The following DNM3 variants were observed in gnomAD, a reference collection of about 807,000 sequenced individuals.
DNM3 encodes dynamin 3.
A neutral mutation model predicts 101.6 loss-of-function variants in DNM3; 47 were observed. That is an observed-to-expected ratio of 0.46 (90% CI 0.37 to 0.59). The LOEUF (loss-of-function observed/expected upper bound fraction) is 0.59. Ranked by LOEUF, DNM3 falls within the 20% of genes least tolerant of loss-of-function variation. The pLI, the probability that DNM3 is intolerant of heterozygous loss-of-function variation, is 0.00. For missense variants in DNM3, 849 were observed against 1,085.7 expected, an observed-to-expected ratio of 0.78 and a Z score of 3.06; for synonymous variants, 385 against 387.9, an observed-to-expected ratio of 0.99 and a Z score of 0.09.
chr1:171,852,489 T>C (rs1005684577), intron 1 of DNM3, among the ~76,000 whole-genome samples: 1 of 152,220 alleles, frequency 6.6e-6, no homozygotes, highest in Non-Finnish European at 1.5e-5. Flanking sequence ...TCAAAGAGCT[T>C]GGTGATCCAG....
intron 10 of DNM3, among the ~76,000 whole-genome samples, chr1:172,060,054 C>T (rs553471292): frequency 1.4e-4 from 21 of 152,138 alleles, no homozygotes; most frequent in African/African-American, 4.8e-4. Context: ...TACCAACAAT[C>T]GACAAACAGA....
chr1:172,315,967 A>C (rs1311747083), intron 16 of DNM3, among the ~76,000 whole-genome samples: 2 of 152,186 alleles, frequency 1.3e-5, no homozygotes, highest in African/African-American at 4.8e-5. Flanking sequence ...TGAAGGAAAA[A>C]GTGTTAAGGG....
At chr1:172,178,916 T>C (rs1229415034) in intron 14 of DNM3, among the ~76,000 whole-genome samples, 1 of 151,968 alleles carries the variant, frequency 6.6e-6, no homozygotes, top group Admixed American at 6.6e-5. Flanking sequence ...TCTATCGCTT[T>C]ATGTCTCAGT....
chr1:172,219,394 A>G (rs978065702), intron 14 of DNM3, among the ~76,000 whole-genome samples: 13 of 151,114 alleles, frequency 8.6e-5, no homozygotes, highest in Admixed American at 3.3e-4. Context: ...AAAAAAAAAA[A>G]AAAAAAAAGA....
intron 1 of DNM3, among the ~76,000 whole-genome samples, chr1:171,867,734 C>T (rs1188329621): frequency 3.3e-5 from 5 of 152,180 alleles, no homozygotes; most frequent in African/African-American, 1.2e-4. Flanking sequence ...TGTCAAAGAA[C>T]ATCCCCATCA....
chr1:172,244,025 C>T (rs1329076463), intron 14 of DNM3, among the ~76,000 whole-genome samples: 3 of 152,112 alleles, frequency 2.0e-5, no homozygotes, highest in African/African-American at 7.2e-5. Context: ...CTCCCCTCAC[C>T]CCACAACAGT....
At chr1:172,207,448 A>G (rs685039) in intron 14 of DNM3, among the ~76,000 whole-genome samples, 4,858 of 152,046 alleles carry the variant, frequency 0.032, 268 homozygotes, top group African/African-American at 0.11. Context: ...ATATTTTTTA[A>G]AGTTTTATTT....
chr1:172,387,155 A>G lies in DNM3; in HGVS notation c.2081A>G (p.Glu694Gly), dbSNP rs1270810327. The G allele has an allele frequency of 6.2e-7, 1 of 1,613,844 alleles. No individual in the cohort carries two copies. Among genetic ancestry groups the G allele is most frequent in the Admixed American group, 1.7e-5 (1 of 60,020 alleles). ...CAGGTTAAAGATTTCATAAATTCCG[A>G]GCTCCTAGCACAGTTGTATTCTTCA... ...INNVKDFINS[E>G]LLAQLYSSED... The change falls in exon 19 of 21, where the codon GAG (glutamate) becomes GGG (glycine). Residue 694 changes from glutamate (E) to glycine (G), a missense_variant. Coordinates refer to ENST00000627582, the MANE Select transcript of DNM3 (RefSeq NM_015569.5).
chr1:172,395,733 G>C (rs959618351), intron 20 of DNM3, among the ~76,000 whole-genome samples: 1 of 152,146 alleles, frequency 6.6e-6, no homozygotes, highest in African/African-American at 2.4e-5. Context: ...CCAATGTATT[G>C]TAAGTGTTGT....
chr1:172,247,078 C>T (rs1274393252), intron 14 of DNM3, among the ~76,000 whole-genome samples: 1 of 152,054 alleles, frequency 6.6e-6, no homozygotes, highest in Non-Finnish European at 1.5e-5. Flanking sequence ...TTAACTTGGA[C>T]ATATCTATGC....
Position 172,114,489 on chromosome 1 carries a change from C to T in DNM3, c.1546-16686C>T, listed in dbSNP as rs2055745856. 2.0e-5 allele frequency among the ~76,000 whole-genome samples: 3 copies of T among 152,160 alleles called. No individual in the cohort carries two copies. The South Asian group carries it at 6.2e-4, about 32-fold the overall frequency. ...TACAGAATCTCTAAGACTCTATATA[C>T]TTATGTACCTGCCCTACCCAGCAAT... On this transcript the variant is annotated intron_variant, in intron 13 of 20. Transcript: ENST00000627582.
chr1:172,078,145 T>C (rs2052822675), intron 11 of DNM3, among the ~76,000 whole-genome samples: 1 of 152,220 alleles, frequency 6.6e-6, no homozygotes, highest in Non-Finnish European at 1.5e-5. Context: ...CAGGCTGCAG[T>C]GCAGTGGCGC....
chr1:172,361,857 G>A (rs571863635), intron 17 of DNM3, among the ~76,000 whole-genome samples: 9 of 151,962 alleles, frequency 5.9e-5, no homozygotes, highest in Admixed American at 1.3e-4. Flanking sequence ...CCTTCCAACC[G>A]TGAACGCTTA....
intron 14 of DNM3, chr1:172,142,324 T>C (rs1212464285): frequency 6.6e-6 from 1 of 152,120 alleles, no homozygotes; most frequent in African/African-American, 2.4e-5. Flanking sequence ...TGGGCGTGTG[T>C]ACCAGCGCAT....
intron 1 of DNM3, among the ~76,000 whole-genome samples, chr1:171,899,809 G>C (rs1327500912): frequency 6.6e-6 from 1 of 152,136 alleles, no homozygotes; most frequent in East Asian, 1.9e-4. Context: ...CATATATAGT[G>C]GGTTCTATAG....
intron 18 of DNM3, among the ~76,000 whole-genome samples, chr1:172,379,511 C>T (rs541920713): frequency 6.6e-6 from 1 of 151,946 alleles, no homozygotes; most frequent in Non-Finnish European, 1.5e-5. Context: ...AACCAGATGC[C>T]CTGGCTCCTA....
At chr1:172,286,068 T>TTATATATATATATA (rs143628364) in intron 15 of DNM3, among the ~76,000 whole-genome samples, 60 of 147,488 alleles carry the variant, frequency 4.1e-4, no homozygotes, top group East Asian at 9.8e-4. Flanking sequence ...AGTGAGTTAT[T>TTATATATATATATA]TATATATATA....
chr1:172,157,414 G>C (rs1423783646), intron 14 of DNM3, among the ~76,000 whole-genome samples: 1 of 152,036 alleles, frequency 6.6e-6, no homozygotes, highest in East Asian at 1.9e-4. Context: ...CGTGGTTCAG[G>C]GGTTGGGAAC....
chr1:172,145,768 T>C (rs2057861021), intron 14 of DNM3, among the ~76,000 whole-genome samples: 1 of 152,200 alleles, frequency 6.6e-6, no homozygotes, highest in African/African-American at 2.4e-5. Flanking sequence ...TCACTTGTAA[T>C]TCCTGATTCT....
Sources: gnomAD v4.1 joint callset for allele counts (sites outside exome capture counted in the v4.1 genomes callset) on GRCh38, gnomAD v4.1.1 for gene constraint, MANE v1.5 for transcripts, NCBI Gene and HGNC (gene_info 2026-07-23, HGNC 2026-07-21) for gene names.